Variants in LRRC1 observed in about 807,000 individuals in gnomAD.
LRRC1 encodes leucine-rich repeat-containing protein 1.
LRRC1 carries 28 observed loss-of-function variants against 69.9 expected under a neutral mutation model. The ratio of observed to expected loss-of-function variants is 0.40; its 90% CI spans 0.30 to 0.55. The LOEUF (loss-of-function observed/expected upper bound fraction) is 0.55, where lower values mean the gene tolerates loss of function less well. Among genes scored for constraint, LRRC1 ranks in the 20% least tolerant of loss-of-function variants. LRRC1 has a pLI of 0.47. For synonymous variants in LRRC1, 236 were observed against 240.2 expected, an observed-to-expected ratio of 0.98 and a Z score of 0.16; for missense variants, 498 against 609.0, an observed-to-expected ratio of 0.82 and a Z score of 1.92.
intron 1 of LRRC1, among the ~76,000 whole-genome samples, chr6:53,829,703 TG>T: frequency 6.6e-6 from 1 of 152,230 alleles, no homozygotes; most frequent in East Asian, 1.9e-4. Flanking sequence ...AGTAGGAACT[TG>T]GGGAAGTGGT....
intron 11 of LRRC1, among the ~76,000 whole-genome samples, chr6:53,914,310 G>T (rs1262704808): frequency 6.6e-6 from 1 of 152,138 alleles, no homozygotes; most frequent in Non-Finnish European, 1.5e-5. Flanking sequence ...AGTAGCTTTT[G>T]TAAATCATCA....
chr6:53,805,374 G>A (rs972618830), intron 1 of LRRC1, among the ~76,000 whole-genome samples: 3 of 152,082 alleles, frequency 2.0e-5, no homozygotes, highest in African/African-American at 7.2e-5. Context: ...GGGTTGACTC[G>A]GTTCTCTTTC....
At chr6:53,903,905 C>T (rs190506065) in intron 9 of LRRC1, among the ~76,000 whole-genome samples, 4 of 152,362 alleles carry the variant, frequency 2.6e-5, no homozygotes, top group African/African-American at 9.6e-5. Context: ...GCTCCCCACT[C>T]CAGGATGCTC....
chr6:53,795,790 C>T (rs1431666162), intron 1 of LRRC1, among the ~76,000 whole-genome samples: 1 of 152,054 alleles, frequency 6.6e-6, no homozygotes, highest in Non-Finnish European at 1.5e-5. Context: ...ACTGCATCCT[C>T]CCCCCCTCCA....
intron 12 of LRRC1, 41 bp from the exon 13 acceptor site, chr6:53,920,584 T>C: frequency 3.1e-6 from 5 of 1,613,520 alleles, no homozygotes; most frequent in Non-Finnish European, 4.2e-6. Flanking sequence ...ACTGATCACA[T>C]GAAACGCAAT....
At chr6:53,880,820 T>C (rs1767266618) in intron 3 of LRRC1, among the ~76,000 whole-genome samples, 1 of 152,250 alleles carries the variant, frequency 6.6e-6, no homozygotes, top group Admixed American at 6.5e-5. Flanking sequence ...GCAACTGTCA[T>C]TCCTGGAATG....
At position 53,840,884 on chromosome 6, in the gene LRRC1, TTGTGTGTGTGTG is replaced by T. The variant is rs57491487; in HGVS notation, c.160-1193_160-1182del. On this transcript the variant is annotated intron_variant, in intron 1 of 13. Coordinates refer to ENST00000370888, the MANE Select transcript of LRRC1 (RefSeq NM_018214.5). ...TCCTCTGGGGTGGGGGGGTATGTGT[TTGTGTGTGTGTG>T]TGTGTGTGTGTGTGTGTGTGTGTGT... is the stretch of plus-strand genomic sequence containing the variant. Among the ~76,000 whole-genome samples the T allele has an allele frequency of 4.8e-3, 597 of 125,292 alleles. 3 individuals carry two copies. The highest frequency in any genetic ancestry group is 0.013 in the African/African-American group (431 of 33,120). The allele number at this position is 125,292 out of a possible 152,430, so 82.2% of individuals were successfully genotyped here.
chr6:53,863,776 G>A (rs1211301345), intron 2 of LRRC1, among the ~76,000 whole-genome samples: 4 of 152,050 alleles, frequency 2.6e-5, no homozygotes, highest in Non-Finnish European at 4.4e-5. Context: ...ATCTGACACA[G>A]GATTGCTAAC....
chr6:53,875,670 A>G (rs2127428822), intron 2 of LRRC1, among the ~76,000 whole-genome samples: 1 of 152,362 alleles, frequency 6.6e-6, no homozygotes, highest in African/African-American at 2.4e-5. Context: ...AGGAAAAGAA[A>G]GTCTAAAGGT....
At chr6:53,853,257 A>G (rs1001385069) in intron 2 of LRRC1, among the ~76,000 whole-genome samples, 2 of 150,390 alleles carry the variant, frequency 1.3e-5, no homozygotes. Context: ...TTCAGGTGGT[A>G]TTACATAAAT....
chr6:53,852,138 G>A (rs777517726), intron 2 of LRRC1, among the ~76,000 whole-genome samples: 1 of 152,104 alleles, frequency 6.6e-6, no homozygotes, highest in Non-Finnish European at 1.5e-5. Flanking sequence ...GATTTTAATA[G>A]CACCTACTGT....
intron 2 of LRRC1, among the ~76,000 whole-genome samples, chr6:53,870,978 T>G (rs2127426924): frequency 6.6e-6 from 1 of 152,360 alleles, no homozygotes; most frequent in East Asian, 1.9e-4. Flanking sequence ...TTTCATTCTT[T>G]TTTTATGGCT....
intron 1 of LRRC1, among the ~76,000 whole-genome samples, chr6:53,817,287 A>AT (rs1415695433): frequency 1.3e-5 from 2 of 152,128 alleles, no homozygotes; most frequent in East Asian, 3.9e-4. Flanking sequence ...GACTGTCTTC[A>AT]TTTTTTTCTT....
At chr6:53,905,219 A>C (rs1768192323) in intron 10 of LRRC1, 1 of 152,254 alleles carries the variant, frequency 6.6e-6, no homozygotes, top group South Asian at 2.1e-4. Context: ...CTGTAGTCCC[A>C]GCTACTCGGG....
At chr6:53,830,809 C>A (rs547284193) in intron 1 of LRRC1, among the ~76,000 whole-genome samples, 229 of 151,142 alleles carry the variant, frequency 1.5e-3, no homozygotes, top group African/African-American at 5.1e-3. Flanking sequence ...CGGTTTTTGC[C>A]ATTATCTTCA....
At chr6:53,802,945 A>T (rs1380551586) in intron 1 of LRRC1, among the ~76,000 whole-genome samples, 1 of 152,206 alleles carries the variant, frequency 6.6e-6, no homozygotes, top group Non-Finnish European at 1.5e-5. Flanking sequence ...GTTGACAAAG[A>T]TAGAGTCATG....
intron 1 of LRRC1, among the ~76,000 whole-genome samples, chr6:53,814,644 T>C (rs940886611): frequency 3.3e-5 from 5 of 152,234 alleles, no homozygotes; most frequent in African/African-American, 1.2e-4. Context: ...GCTACCAGCA[T>C]AGCTTTGAAA....
rs575458135 is a variant in LRRC1 at position 53,905,588 on chromosome 6, G to A, written c.990+1126G>A. Among the ~76,000 whole-genome samples, 18 of 152,158 alleles carry A rather than the reference G, an allele frequency of 1.2e-4. No individual in the cohort carries two copies. In the South Asian group the frequency reaches 3.1e-3, roughly 26 times the overall value. On this transcript the variant is annotated intron_variant, in intron 10 of 13. Transcript: ENST00000370888. The stretch of plus-strand genomic sequence containing the variant: ...TATTTCTGTTTTGACTTTTTCTAAC[G>A]TCTATTTTGGTGTAATTTCAAAGCT...
intron 2 of LRRC1, among the ~76,000 whole-genome samples, chr6:53,856,994 G>A (rs571643427): frequency 6.6e-6 from 1 of 152,324 alleles, no homozygotes; most frequent in South Asian, 2.1e-4. Context: ...GATGGGAGAG[G>A]CTGAAGAAAT....
Sources: gnomAD v4.1 joint callset for allele counts (sites outside exome capture counted in the v4.1 genomes callset) on GRCh38, gnomAD v4.1.1 for gene constraint, MANE v1.5 for transcripts, NCBI Gene and HGNC (gene_info 2026-07-23, HGNC 2026-07-21) for gene names.